Variants in UBE2N observed in about 807,000 individuals in gnomAD.
UBE2N encodes the protein ubiquitin-conjugating enzyme E2 N.
For synonymous variants in UBE2N, 70 were observed against 69.2 expected (o/e 1.01, Z -0.06); for missense variants, 60 against 192.1 (o/e 0.31, Z 4.07).
chr12:93,440,700 G>C (rs1443875668), intron 1 of UBE2N, among the ~76,000 whole-genome samples: 2 of 152,176 alleles, frequency 1.3e-5, no homozygotes, highest in African/African-American at 4.8e-5. Flanking sequence ...GGCGCATTTA[G>C]TCACATAAAT....
intron 1 of UBE2N, among the ~76,000 whole-genome samples, chr12:93,434,730 C>T (rs1216182472): frequency 6.6e-6 from 1 of 152,040 alleles, no homozygotes; most frequent in African/African-American, 2.4e-5. Flanking sequence ...AAAAAAATAG[C>T]TTTTTTTCCT....
chr12:93,421,842 T>G (rs1388004813), intron 1 of UBE2N, among the ~76,000 whole-genome samples: 1 of 152,204 alleles, frequency 6.6e-6, no homozygotes, highest in Middle Eastern at 3.2e-3. Context: ...TACTTACAAA[T>G]GTTTACTCAT....
chr12:93,441,119 A>C (rs1879091633), intron 1 of UBE2N: 1 of 152,596 alleles, frequency 6.6e-6, no homozygotes, highest in Non-Finnish European at 1.5e-5. Flanking sequence ...ATTTCCTCGG[A>C]ACAGCTCTGA....
chr12:93,421,197 C>CTT lies in UBE2N; in HGVS notation c.31-9900_31-9899dup, dbSNP rs62880060. ...GATGTGTTTCTTAATCTTTTTCTTT[C>CTT]TTTTTTTTTTGGGGGGGCTGGGGGG... On this transcript the variant is annotated intron_variant, in intron 1 of 3. Coordinates refer to ENST00000318066, the MANE Select transcript of UBE2N (RefSeq NM_003348.4). 5.9e-4 allele frequency among the ~76,000 whole-genome samples: 77 copies of CTT among 130,490 alleles called. 1 individual carries two copies. Among genetic ancestry groups the CTT allele is most frequent in the African/African-American group, 1.4e-3 (44 of 32,358 alleles). The allele number at this position is 130,490 out of a possible 152,430, so 85.6% of individuals were successfully genotyped here. A position where few individuals can be genotyped will look rare whatever the true frequency, so the allele number is the denominator to read the frequency against.
At chr12:93,436,623 G>T (rs930613582) in intron 1 of UBE2N, among the ~76,000 whole-genome samples, 1 of 151,788 alleles carries the variant, frequency 6.6e-6, no homozygotes, top group Admixed American at 6.6e-5. Context: ...AGCTTTAACT[G>T]CTCACTTTTT....
intron 1 of UBE2N, among the ~76,000 whole-genome samples, chr12:93,431,013 G>A (rs1294895974): frequency 6.6e-6 from 1 of 151,426 alleles, no homozygotes; most frequent in East Asian, 1.9e-4. Context: ...CGAATCACAA[G>A]GTCAGGAGTT....
rs538261275 is a variant in UBE2N, at chr12:93,430,714, A to G, written c.30+11141T>C. Among the ~76,000 whole-genome samples the G allele has an allele frequency of 1.3e-5, 2 of 151,034 alleles. 1 individual carries two copies. Among genetic ancestry groups the G allele is most frequent in the Middle Eastern group, 6.9e-3 (2 of 288 alleles). On this transcript the variant is annotated intron_variant, in intron 1 of 3. Coordinates refer to ENST00000318066, the MANE Select transcript of UBE2N (RefSeq NM_003348.4). ...GATCACTTGAGCCCAGGAGTTCAAA[A>G]CCAGCCTGAGCAACATAGGGAGACC...
chr12:93,416,634 G>C (rs1394235445), intron 1 of UBE2N, among the ~76,000 whole-genome samples: 2 of 152,012 alleles, frequency 1.3e-5, no homozygotes, highest in Non-Finnish European at 2.9e-5. Context: ...CTGACTTAAA[G>C]TGATCTGCCC....
chr12:93,425,250 C>G (rs758253454), intron 1 of UBE2N, among the ~76,000 whole-genome samples: 3 of 152,156 alleles, frequency 2.0e-5, no homozygotes, highest in Non-Finnish European at 4.4e-5. Flanking sequence ...ATTCTTTGTT[C>G]CTGCCATACA....
Position 93,414,248 on chromosome 12 carries a change from G to A in UBE2N, c.31-2949C>T, listed in dbSNP as rs1379426396. On this transcript the variant is annotated intron_variant, in intron 1 of 3. Transcript: ENST00000318066. ...GTGGATCGGCTCAGGTCAGGAGTTC[G>A]AGACCAGCCTGATCAACATGGAGAA... is the stretch of plus-strand genomic sequence containing the variant. Among the ~76,000 whole-genome samples the A allele has an allele frequency of 4.6e-5, 7 of 151,634 alleles. No individual in the cohort carries two copies. The South Asian group carries it at 6.3e-4, about 14-fold the overall frequency.
At chr12:93,412,300 T>C (rs894990542) in intron 1 of UBE2N, among the ~76,000 whole-genome samples, 17 of 152,200 alleles carry the variant, frequency 1.1e-4, no homozygotes, top group Admixed American at 9.8e-4. Flanking sequence ...CTGCTTCCTA[T>C]TTCATGACAA....
intron 1 of UBE2N, among the ~76,000 whole-genome samples, chr12:93,434,693 A>T (rs1333458879): frequency 6.6e-6 from 1 of 152,198 alleles, no homozygotes; most frequent in Non-Finnish European, 1.5e-5. Context: ...CTTGGCAAGA[A>T]TCTGAATCCC....
At chr12:93,438,229 TAGAG>T (rs1878993632) in intron 1 of UBE2N, among the ~76,000 whole-genome samples, 1 of 152,026 alleles carries the variant, frequency 6.6e-6, no homozygotes, top group Non-Finnish European at 1.5e-5. Flanking sequence ...TAATGGGGAA[TAGAG>T]AGAAATAAAC....
Position 93,409,985 on chromosome 12 carries a change from G to A in UBE2N, c.*54C>T, listed in dbSNP as rs1239750713. On this transcript the variant is annotated 3_prime_UTR_variant, in exon 4 of 4. Transcript: ENST00000318066. ...GTGTCCATTAAATGCAAACAAAGAG[G>A]AGGAAGTCTTGGCAGAACAGGAGAA... The A allele has an allele frequency of 6.4e-7, 1 of 1,567,110 alleles. No individual in the cohort carries two copies. The highest frequency in any genetic ancestry group is 8.8e-7 in the Non-Finnish European group (1 of 1,140,026).
chr12:93,435,470 T>C (rs1444544337), intron 1 of UBE2N, among the ~76,000 whole-genome samples: 5 of 150,462 alleles, frequency 3.3e-5, no homozygotes, highest in Non-Finnish European at 7.4e-5. Context: ...CAAAACTTCA[T>C]CTCAAAATAA....
rs188291931 is a variant in UBE2N, at chr12:93,408,070, A to T, written c.*1969T>A. The T allele has an allele frequency of 2.6e-5, 4 of 152,242 alleles. No homozygotes were observed. The highest frequency in any genetic ancestry group is 9.6e-5 in the African/African-American group (4 of 41,464). 9.4% of individuals were successfully genotyped at this position (152,242 alleles called of 1,614,324 possible). A position where few individuals can be genotyped will look rare whatever the true frequency, so the allele number is the denominator to read the frequency against. ...TAAATCTGGAATTTCATGGTTTGTA[A>T]ATCACTATGTGATACTAGCTATAAC... On this transcript the variant is annotated 3_prime_UTR_variant, in exon 4 of 4. Coordinates refer to ENST00000318066, the MANE Select transcript of UBE2N (RefSeq NM_003348.4).
chr12:93,441,929 T>C lies in UBE2N; in HGVS notation c.-45A>G, dbSNP rs751594487. 3.9e-6 allele frequency: 6 copies of C among 1,552,750 alleles called. No individual in the cohort carries two copies. The highest frequency in any genetic ancestry group is 5.2e-6 in the Non-Finnish European group (6 of 1,151,592). ...GGCCTCTGGTCTCGTCTCCGGCTCC[T>C]CTCGCCTCACGCACGAGTGGAAGTC... On this transcript the variant is annotated 5_prime_UTR_variant, in exon 1 of 4. Coordinates refer to ENST00000318066, the MANE Select transcript of UBE2N (RefSeq NM_003348.4).
rs1285557003 is a variant in UBE2N at position 93,411,252 on chromosome 12, T to C, written c.78A>G (p.Glu26=). ...LAEPVPGIKA[E]PDESNARYFH... Reference sequence around the variant, plus strand: ...AATAACGGGCGTTGCTCTCATCTGGTTCGGCTTTGATGCCAGGAACTGGTT... The same window carrying C: ...AATAACGGGCGTTGCTCTCATCTGGCTCGGCTTTGATGCCAGGAACTGGTT... Residue 26 remains glutamate (E), a synonymous_variant, in exon 2 of 4, where the codon GAA becomes GAG. Coordinates refer to ENST00000318066, the MANE Select transcript of UBE2N (RefSeq NM_003348.4). 1.2e-6 allele frequency: 2 copies of C among 1,613,474 alleles called. No individual in the cohort carries two copies. The highest frequency in any genetic ancestry group is 2.7e-5 in the African/African-American group (2 of 74,916).
At chr12:93,435,587 T>C (rs547965779) in intron 1 of UBE2N, among the ~76,000 whole-genome samples, 6 of 152,250 alleles carry the variant, frequency 3.9e-5, no homozygotes, top group African/African-American at 1.2e-4. Context: ...GATTGTGCCA[T>C]TGCACTCCAG....
Sources: allele counts gnomAD v4.1 joint callset (sites outside exome capture counted in the v4.1 genomes callset), GRCh38; gene constraint gnomAD v4.1.1; transcripts MANE v1.5; gene names NCBI Gene and HGNC (gene_info 2026-07-23, HGNC 2026-07-21).